The following JARID2 variants were observed in gnomAD, a reference collection of about 807,000 sequenced individuals.
The protein encoded by JARID2 is jumonji and AT-rich interaction domain containing 2, also known as protein Jumonji.
JARID2 carries 21 observed loss-of-function variants against 125.6 expected under a neutral mutation model. That is an observed-to-expected ratio of 0.17 (90% CI 0.12 to 0.24). The LOEUF (loss-of-function observed/expected upper bound fraction) is 0.24. Ranked by LOEUF, JARID2 falls within the 10% of genes least tolerant of loss-of-function variation. The pLI is 1.00. For missense variants in JARID2, 1,303 were observed against 1,639.6 expected, an observed-to-expected ratio of 0.79 and a Z score of 3.55; for synonymous variants, 736 against 661.6, an observed-to-expected ratio of 1.11 and a Z score of -1.73.
intron 1 of JARID2, among the ~76,000 whole-genome samples, chr6:15,283,319 G>C (rs794786): frequency 0.09 from 13,205 of 147,400 alleles, 785 homozygotes; most frequent in Non-Finnish European, 0.12. Context: ...TTGTCTCCTA[G>C]TCTGTCCTTT....
intron 1 of JARID2, among the ~76,000 whole-genome samples, chr6:15,278,461 C>T (rs1760621175): frequency 6.6e-6 from 1 of 152,004 alleles, no homozygotes; most frequent in African/African-American, 2.4e-5. Context: ...TGGCTCATGC[C>T]TGTAATCCCA....
In JARID2 at chr6:15,365,916, C is replaced by CT. The variant is rs569757426; in HGVS notation, c.46-8190dup. Among the ~76,000 whole-genome samples, 1,248 of 146,708 alleles carry CT rather than the reference C, an allele frequency of 8.5e-3. 7 individuals carry two copies. Among genetic ancestry groups the CT allele is most frequent in the African/African-American group, 0.012 (500 of 40,178 alleles). On this transcript the variant is annotated intron_variant, in intron 1 of 17. Transcript: ENST00000341776. Reference sequence around the variant, plus strand: ...ACTTTATTTGAATATTGACAGACTACTTTTTTTTTTTGGAATTAAATCAAT... The same window carrying CT: ...ACTTTATTTGAATATTGACAGACTACTTTTTTTTTTTTGGAATTAAATCAAT...
intron 1 of JARID2, among the ~76,000 whole-genome samples, chr6:15,278,970 A>G (rs1374684223): frequency 6.6e-6 from 1 of 152,064 alleles, no homozygotes; most frequent in East Asian, 1.9e-4. Context: ...AGGTTGAGGC[A>G]TGAGAATCTC....
intron 3 of JARID2, among the ~76,000 whole-genome samples, chr6:15,428,983 C>T (rs765510178): frequency 7.1e-6 from 1 of 141,250 alleles, no homozygotes; most frequent in Non-Finnish European, 1.5e-5. Context: ...CATTAATTGT[C>T]TTGATAGCTC....
rs568523503 is a variant in JARID2 at position 15,463,775 on chromosome 6, G to A, written c.494-4767G>A. Among the ~76,000 whole-genome samples, 58 of 152,144 alleles carry A rather than the reference G, an allele frequency of 3.8e-4. No homozygotes were observed. The Middle Eastern group carries it at 0.02, about 54-fold the overall frequency. On this transcript the variant is annotated intron_variant, in intron 4 of 17. Transcript: ENST00000341776. The stretch of plus-strand genomic sequence containing the variant: ...GTCTGCTAGATACGAAGTTTCTACC[G>A]ACTCAGCACAATATAATTACGTAAT...
At chr6:15,409,689 C>T (rs1357530748) in intron 2 of JARID2, among the ~76,000 whole-genome samples, 1 of 152,136 alleles carries the variant, frequency 6.6e-6, no homozygotes, top group Non-Finnish European at 1.5e-5. Context: ...AAAGGCAAAT[C>T]CGGTTACAAT....
chr6:15,453,125 C>G (rs1767996893), intron 4 of JARID2, among the ~76,000 whole-genome samples: 1 of 152,188 alleles, frequency 6.6e-6, no homozygotes, highest in African/African-American at 2.4e-5. Context: ...CTATAACTGT[C>G]AAAGTTAAGA....
chr6:15,434,033 CAT>C (rs547832157), intron 3 of JARID2, among the ~76,000 whole-genome samples: 1 of 151,206 alleles, frequency 6.6e-6, no homozygotes, highest in Non-Finnish European at 1.5e-5. Context: ...CCTGGTTTCA[CAT>C]GTTTCAGCTT....
At chr6:15,485,691 C>T (rs1040165791) in intron 5 of JARID2, among the ~76,000 whole-genome samples, 9 of 152,030 alleles carry the variant, frequency 5.9e-5, no homozygotes, top group South Asian at 2.1e-4. Flanking sequence ...AGGTTAAGCA[C>T]GAAAGCAAGA....
chr6:15,470,240 T>A (rs191704753), intron 5 of JARID2, among the ~76,000 whole-genome samples: 1 of 151,426 alleles, frequency 6.6e-6, no homozygotes, highest in Admixed American at 6.6e-5. Flanking sequence ...TCAGGAGATA[T>A]GGCTGTTTTC....
At chr6:15,387,852 A>C (rs1206626748) in intron 2 of JARID2, among the ~76,000 whole-genome samples, 4 of 152,120 alleles carry the variant, frequency 2.6e-5, no homozygotes, top group African/African-American at 9.7e-5. Context: ...TATTTGGGGA[A>C]GCATTGTGGA....
Position 15,496,686 on chromosome 6 carries a change from G to A in JARID2, c.1461G>A (p.Lys487=). 1 of 1,613,266 alleles carries A rather than the reference G, an allele frequency of 6.2e-7. No homozygotes were observed. The highest frequency in any genetic ancestry group is 1.6e-4 in the Middle Eastern group (1 of 6,062). ...ERGLLNGHVK[K]EVPERSLERN... Reference sequence around the variant, plus strand: ...GTCTGCTGAACGGACACGTGAAGAAGGAAGTGCCGGAGCGCAGTCTGGAGA... The same window carrying A: ...GTCTGCTGAACGGACACGTGAAGAAAGAAGTGCCGGAGCGCAGTCTGGAGA... The change falls in exon 7 of 18, where the codon AAG becomes AAA. Residue 487 remains lysine, a synonymous_variant. Transcript: ENST00000341776.
At chr6:15,438,445 C>CT (rs1767305600) in intron 3 of JARID2, among the ~76,000 whole-genome samples, 1 of 151,962 alleles carries the variant, frequency 6.6e-6, no homozygotes, top group African/African-American at 2.4e-5. Flanking sequence ...ACGTACGTAG[C>CT]TTTTTTCATC....
intron 1 of JARID2, among the ~76,000 whole-genome samples, chr6:15,298,504 A>AC (rs1761490782): frequency 6.6e-6 from 1 of 151,250 alleles, no homozygotes; most frequent in Non-Finnish European, 1.5e-5. Context: ...ACATGGTGAA[A>AC]CCCCGCCTCT....
intron 1 of JARID2, among the ~76,000 whole-genome samples, chr6:15,353,531 T>A (rs1327164355): frequency 2.6e-5 from 4 of 152,196 alleles, no homozygotes; most frequent in Non-Finnish European, 5.9e-5. Context: ...AACAGCAAAA[T>A]TTTATTCCAA....
At chr6:15,379,645 G>T (rs1298358781) in intron 2 of JARID2, among the ~76,000 whole-genome samples, 15 of 152,138 alleles carry the variant, frequency 9.9e-5, no homozygotes, top group Admixed American at 9.8e-4. Context: ...AACTTACCCC[G>T]GGCAGTAGTT....
At chr6:15,512,834 C>A in intron 14 of JARID2, 81 bp from the exon 15 acceptor site, 1 of 1,343,600 alleles carries the variant, frequency 7.4e-7, no homozygotes, top group South Asian at 1.3e-5. Context: ...AGACAGCCTG[C>A]CTGCCCCCTC....
At chr6:15,438,494 A>G (rs1767308208) in intron 3 of JARID2, among the ~76,000 whole-genome samples, 2 of 152,206 alleles carry the variant, frequency 1.3e-5, no homozygotes, top group Admixed American at 6.5e-5. Context: ...GTTCATTTCC[A>G]TGATTCCTCT....
chr6:15,449,116 C>G (rs1767804281), intron 3 of JARID2, among the ~76,000 whole-genome samples: 1 of 152,106 alleles, frequency 6.6e-6, no homozygotes, highest in Non-Finnish European at 1.5e-5. Context: ...TTCATTGTCC[C>G]ATGTGAAGAT....
Sources: allele counts gnomAD v4.1 joint callset (sites outside exome capture counted in the v4.1 genomes callset), GRCh38; gene constraint gnomAD v4.1.1; transcripts MANE v1.5; gene names NCBI Gene and HGNC (gene_info 2026-07-23, HGNC 2026-07-21).